The following KCND2 variants were observed in gnomAD, a reference collection of about 807,000 sequenced individuals.
KCND2 encodes the protein potassium voltage-gated channel subfamily D member 2, also known as A-type voltage-gated potassium channel KCND2.
KCND2 carries 16 observed loss-of-function variants against 54.4 expected under a neutral mutation model. The ratio of observed to expected loss-of-function variants is 0.29; its 90% CI spans 0.20 to 0.45. The LOEUF (loss-of-function observed/expected upper bound fraction) is 0.45. KCND2 is among the 20% of genes least tolerant of loss of function. KCND2 has a pLI of 1.00. For missense variants in KCND2, 486 were observed against 824.2 expected (o/e 0.59, Z 5.02); for synonymous variants, 317 against 310.7 (o/e 1.02, Z -0.21).
At chr7:120,286,799 C>T (rs972243821) in intron 1 of KCND2, among the ~76,000 whole-genome samples, 1 of 152,014 alleles carries the variant, frequency 6.6e-6, no homozygotes, top group South Asian at 2.1e-4. Context: ...TATACTTATT[C>T]ATTCATTACT....
chr7:120,664,437 A>T (rs1791900906), intron 1 of KCND2, among the ~76,000 whole-genome samples: 2 of 151,966 alleles, frequency 1.3e-5, no homozygotes, highest in Admixed American at 6.6e-5. Context: ...TAATTCATAT[A>T]ATAACTTATT....
intron 1 of KCND2, among the ~76,000 whole-genome samples, chr7:120,418,211 C>A (rs1223037534): frequency 6.6e-6 from 1 of 152,040 alleles, no homozygotes; most frequent in African/African-American, 2.4e-5. Flanking sequence ...TCTGGGCAAG[C>A]ATTTATCTAG....
intron 1 of KCND2, among the ~76,000 whole-genome samples, chr7:120,312,945 AC>A (rs1341201390): frequency 2.0e-5 from 3 of 152,176 alleles, no homozygotes; most frequent in Non-Finnish European, 4.4e-5. Flanking sequence ...TGCAGATCTG[AC>A]TTCTAGCTCT....
chr7:120,425,603 C>T (rs1048775270), intron 1 of KCND2, among the ~76,000 whole-genome samples: 5 of 152,212 alleles, frequency 3.3e-5, no homozygotes, highest in South Asian at 4.1e-4. Context: ...GAAGGTCTCT[C>T]GCAGGGTTTT....
In KCND2 at chr7:120,509,906, C is replaced by T. The variant is rs78977793; in HGVS notation, c.1116-222997C>T. On this transcript the variant is annotated intron_variant, in intron 1 of 5. Coordinates refer to ENST00000331113, the MANE Select transcript of KCND2 (RefSeq NM_012281.3). ...GATAAGCTTTGGTTCATTCTTCTAGCCAAACACTTGCCAAATAATGGAGCT... is the reference window on the plus strand; with the variant it reads ...GATAAGCTTTGGTTCATTCTTCTAGTCAAACACTTGCCAAATAATGGAGCT... Among the ~76,000 whole-genome samples, 991 of 152,150 alleles carry T rather than the reference C, an allele frequency of 6.5e-3. 11 individuals are homozygous for T. Among genetic ancestry groups the T allele is most frequent in the African/African-American group, 0.022 (916 of 41,544 alleles).
rs1174110998 is a variant in KCND2, at chr7:120,673,803, A to T, written c.1116-59100A>T. Among the ~76,000 whole-genome samples the T allele has an allele frequency of 2.6e-5, 4 of 152,130 alleles. No individual in the cohort carries two copies. The East Asian group carries it at 7.7e-4, about 29-fold the overall frequency. On this transcript the variant is annotated intron_variant, in intron 1 of 5. Coordinates refer to ENST00000331113, the MANE Select transcript of KCND2 (RefSeq NM_012281.3). ...GCATCCACTATCATCTGCCTTTCCA[A>T]ATCTATAGTCCAGGCATCCTGAATC...
intron 1 of KCND2, among the ~76,000 whole-genome samples, chr7:120,587,994 C>G (rs1283109829): frequency 3.3e-5 from 5 of 152,032 alleles, no homozygotes; most frequent in Admixed American, 3.3e-4. Flanking sequence ...TATTCATGTT[C>G]ATTTGTAAAG....
chr7:120,477,144 A>G (rs574562014), intron 1 of KCND2, among the ~76,000 whole-genome samples: 3 of 152,348 alleles, frequency 2.0e-5, no homozygotes, highest in South Asian at 4.1e-4. Flanking sequence ...GTTATTTTAT[A>G]CTATGTTGAC....
At chr7:120,398,577 C>T (rs979141153) in intron 1 of KCND2, among the ~76,000 whole-genome samples, 1 of 152,058 alleles carries the variant, frequency 6.6e-6, no homozygotes, top group Admixed American at 6.6e-5. Flanking sequence ...TTTGATCGAG[C>T]TCTACTAGTG....
chr7:120,607,117 C>A (rs1418549623), intron 1 of KCND2, among the ~76,000 whole-genome samples: 1 of 151,998 alleles, frequency 6.6e-6, no homozygotes, highest in Non-Finnish European at 1.5e-5. Flanking sequence ...TCCTAGGGAA[C>A]TGGGGAGAAG....
intron 1 of KCND2, among the ~76,000 whole-genome samples, chr7:120,696,024 A>G (rs1792328831): frequency 6.6e-6 from 1 of 152,222 alleles, no homozygotes; most frequent in Admixed American, 6.5e-5. Context: ...TAATAGCTTC[A>G]ATGGAAACCA....
chr7:120,560,628 A>C (rs901439461), intron 1 of KCND2, among the ~76,000 whole-genome samples: 1 of 152,194 alleles, frequency 6.6e-6, no homozygotes, highest in Non-Finnish European at 1.5e-5. Flanking sequence ...AATCTTGCAG[A>C]ATTCAATTTA....
chr7:120,443,461 C>T (rs1801973058), intron 1 of KCND2, among the ~76,000 whole-genome samples: 2 of 151,668 alleles, frequency 1.3e-5, no homozygotes, highest in South Asian at 2.1e-4. Context: ...GAGACATTGA[C>T]ATTATCATAA....
intron 1 of KCND2, among the ~76,000 whole-genome samples, chr7:120,715,331 T>A (rs1487794550): frequency 6.6e-6 from 1 of 152,100 alleles, no homozygotes. Flanking sequence ...GCCCTTCTAA[T>A]ACTACTTAGG....
At chr7:120,450,252 A>G (rs1401023684) in intron 1 of KCND2, among the ~76,000 whole-genome samples, 2 of 152,146 alleles carry the variant, frequency 1.3e-5, no homozygotes, top group East Asian at 1.9e-4. Context: ...TTTACTAAAA[A>G]TACAAATATT....
At chr7:120,315,973 T>C (rs1447367744) in intron 1 of KCND2, among the ~76,000 whole-genome samples, 2 of 152,036 alleles carry the variant, frequency 1.3e-5, no homozygotes, top group Admixed American at 6.6e-5. Flanking sequence ...GAGGCACACA[T>C]TGAAACATAA....
chr7:120,699,501 G>A (rs935073738), intron 1 of KCND2, among the ~76,000 whole-genome samples: 1 of 152,106 alleles, frequency 6.6e-6, no homozygotes, highest in Non-Finnish European at 1.5e-5. Context: ...AAATAAATTA[G>A]TGACAACACA....
At chr7:120,451,782 T>C (rs1288305164) in intron 1 of KCND2, among the ~76,000 whole-genome samples, 2 of 152,214 alleles carry the variant, frequency 1.3e-5, no homozygotes, top group Non-Finnish European at 2.9e-5. Context: ...CCTGGTGCTG[T>C]TGTAACTCGT....
At position 120,273,390 on chromosome 7, in the gene KCND2, G is replaced by GC. The variant is rs1449433092; in HGVS notation, c.-1242dup. ...TGCCGGCCCCGGCCCCGGCCCCACC[G>GC]CGCCAACGCCGCCCGCCCGGCCGCC... On this transcript the variant is annotated 5_prime_UTR_variant, in exon 1 of 6. It removes the in-frame stop codon of an upstream open reading frame in the 5' UTR. Transcript: ENST00000331113. 6.8e-6 allele frequency among the ~76,000 whole-genome samples: 1 copy of GC among 147,234 alleles called. No individual in the cohort carries two copies. Among genetic ancestry groups the GC allele is most frequent in the African/African-American group, 2.5e-5 (1 of 40,800 alleles).
Sources: gnomAD v4.1 joint callset for allele counts (sites outside exome capture counted in the v4.1 genomes callset) on GRCh38, gnomAD v4.1.1 for gene constraint, MANE v1.5 for transcripts, NCBI Gene and HGNC (gene_info 2026-07-23, HGNC 2026-07-21) for gene names.